Variants in MYO1B observed in about 807,000 individuals in gnomAD.
MYO1B encodes the protein unconventional myosin-Ib.
A neutral mutation model predicts 159.7 loss-of-function variants in MYO1B; 72 were observed. The observed-to-expected ratio is 0.45, with a 90% CI of 0.37 to 0.55. The LOEUF is 0.55. Ranked by LOEUF, MYO1B falls within the 20% of genes least tolerant of loss-of-function variation. MYO1B has a pLI of 0.00. For missense variants in MYO1B, 1,062 were observed against 1,364.8 expected (o/e 0.78, Z 3.50); for synonymous variants, 468 against 473.8 (o/e 0.99, Z 0.16).
chr2:191,320,894 A>G (rs184690789), intron 3 of MYO1B, among the ~76,000 whole-genome samples: 3 of 152,172 alleles, frequency 2.0e-5, no homozygotes, highest in East Asian at 3.9e-4. Context: ...TTCAAATGGC[A>G]TCTCTGCCTA....
intron 1 of MYO1B, among the ~76,000 whole-genome samples, chr2:191,265,491 C>G (rs535074080): frequency 2.6e-5 from 4 of 152,216 alleles, no homozygotes; most frequent in African/African-American, 9.6e-5. Context: ...GATTAATAAG[C>G]TGATTCATTT....
rs1005040829 is a variant in MYO1B, at chr2:191,256,431, A to G, written c.-10+10805A>G. ...AGAGCAAGCACTTGGTGTAGATGTT[A>G]GTTACTACTATTCAGCCTTTCCTGC... is the stretch of plus-strand genomic sequence containing the variant. On this transcript the variant is annotated intron_variant, in intron 1 of 30. Transcript: ENST00000392318. Among the ~76,000 whole-genome samples, 8 of 151,796 alleles carry G rather than the reference A, an allele frequency of 5.3e-5. 1 individual carries two copies. The highest frequency in any genetic ancestry group is 2.0e-4 in the Admixed American group (3 of 15,242).
At chr2:191,269,271 G>T (rs1687321289) in intron 1 of MYO1B, among the ~76,000 whole-genome samples, 1 of 152,142 alleles carries the variant, frequency 6.6e-6, no homozygotes, top group Non-Finnish European at 1.5e-5. Flanking sequence ...CTTGGGACTG[G>T]CTTATTTCAC....
chr2:191,283,737 A>G (rs1260875581), intron 2 of MYO1B, among the ~76,000 whole-genome samples: 1 of 152,242 alleles, frequency 6.6e-6, no homozygotes. Context: ...GCTCTTAATG[A>G]TAGTCCTGCT....
intron 4 of MYO1B, among the ~76,000 whole-genome samples, chr2:191,340,577 G>A (rs570155524): frequency 6.6e-6 from 1 of 152,240 alleles, no homozygotes; most frequent in East Asian, 1.9e-4. Flanking sequence ...CTTTAGTAAC[G>A]GGGTTACTAG....
At chr2:191,349,177 G>T (rs888236236) in intron 6 of MYO1B, among the ~76,000 whole-genome samples, 1 of 152,196 alleles carries the variant, frequency 6.6e-6, no homozygotes, top group African/African-American at 2.4e-5. Flanking sequence ...GCTTTCGCTT[G>T]TGCCTACTTC....
chr2:191,301,791 A>C (rs1262839681), intron 3 of MYO1B, among the ~76,000 whole-genome samples: 1 of 152,228 alleles, frequency 6.6e-6, no homozygotes, highest in Admixed American at 6.5e-5. Context: ...CAGATATTTT[A>C]GTTACCAAAT....
chr2:191,300,404 C>T (rs552293864), intron 3 of MYO1B, among the ~76,000 whole-genome samples: 6 of 150,108 alleles, frequency 4.0e-5, no homozygotes, highest in East Asian at 2.0e-4. Flanking sequence ...AGTGCAATGG[C>T]GCGATCTCGG....
At chr2:191,316,995 G>C (rs1559163732) in intron 3 of MYO1B, among the ~76,000 whole-genome samples, 4 of 152,172 alleles carry the variant, frequency 2.6e-5, no homozygotes, top group African/African-American at 9.7e-5. Flanking sequence ...CAGAAAACTT[G>C]TTCTCAACAT....
At chr2:191,255,738 G>A (rs1686399213) in intron 1 of MYO1B, among the ~76,000 whole-genome samples, 1 of 152,204 alleles carries the variant, frequency 6.6e-6, no homozygotes, top group Non-Finnish European at 1.5e-5. Context: ...TCAGAGAGCT[G>A]CCTCTATGGT....
At chr2:191,415,138 A>G (rs1198396934) in intron 29 of MYO1B, among the ~76,000 whole-genome samples, 1 of 152,194 alleles carries the variant, frequency 6.6e-6, no homozygotes, top group East Asian at 1.9e-4. Context: ...TCACTTTATG[A>G]TAATTTTGGC....
chr2:191,247,330 A>C (rs568063340), intron 1 of MYO1B, among the ~76,000 whole-genome samples: 224 of 152,186 alleles, frequency 1.5e-3, no homozygotes, highest in Admixed American at 3.5e-3. Flanking sequence ...GAGATGAACC[A>C]AGTTTGAAAG....
Position 191,245,518 on chromosome 2 carries a change from C to G in MYO1B, c.-118C>G, listed in dbSNP as rs1685724686. The G allele has an allele frequency of 6.6e-6, 1 of 152,114 alleles. No homozygotes were observed. Among genetic ancestry groups the G allele is most frequent in the African/African-American group, 2.4e-5 (1 of 41,442 alleles). The allele number at this position is 152,114 out of a possible 1,614,324, so 9.4% of individuals were successfully genotyped here. On this transcript the variant is annotated 5_prime_UTR_variant, in exon 1 of 31. Transcript: ENST00000392318. ...CGCGGGACAGCCTTGGCAGAACAGC[C>G]GCGGCGGGAGCCCCGCAGCCCCGGG...
At chr2:191,307,457 T>A (rs1188600488) in intron 3 of MYO1B, among the ~76,000 whole-genome samples, 3 of 152,176 alleles carry the variant, frequency 2.0e-5, no homozygotes, top group African/African-American at 4.8e-5. Flanking sequence ...CTTTATAACC[T>A]GTATCTTGGG....
At chr2:191,351,711 C>G (rs933527938) in intron 7 of MYO1B, among the ~76,000 whole-genome samples, 1 of 152,074 alleles carries the variant, frequency 6.6e-6, no homozygotes, top group Non-Finnish European at 1.5e-5. Flanking sequence ...ACATGTGAAA[C>G]CCCCCGTCTC....
chr2:191,378,537 G>C (rs942901380), intron 13 of MYO1B, among the ~76,000 whole-genome samples: 2 of 152,148 alleles, frequency 1.3e-5, no homozygotes, highest in Non-Finnish European at 2.9e-5. Context: ...AATCACAATG[G>C]TGGAATGTCA....
chr2:191,327,097 A>T (rs747698823), intron 3 of MYO1B, among the ~76,000 whole-genome samples: 16 of 152,216 alleles, frequency 1.1e-4, no homozygotes, highest in Non-Finnish European at 1.6e-4. Context: ...CTCATAAAAA[A>T]ATCTAAGCAA....
intron 4 of MYO1B, among the ~76,000 whole-genome samples, chr2:191,331,741 C>T (rs1176030092): frequency 6.6e-6 from 1 of 152,124 alleles, no homozygotes; most frequent in Non-Finnish European, 1.5e-5. Flanking sequence ...CATATATGCA[C>T]GTACCTATAC....
chr2:191,303,262 GA>G (rs1224474653), intron 3 of MYO1B, among the ~76,000 whole-genome samples: 3 of 152,030 alleles, frequency 2.0e-5, no homozygotes, highest in African/African-American at 7.2e-5. Context: ...AGTAGATTCT[GA>G]ATTCTCCTGT....
Sources: allele counts gnomAD v4.1 joint callset (sites outside exome capture counted in the v4.1 genomes callset), GRCh38; gene constraint gnomAD v4.1.1; transcripts MANE v1.5; gene names NCBI Gene and HGNC (gene_info 2026-07-23, HGNC 2026-07-21).